The following NRXN3 variants were observed in gnomAD, a reference collection of about 807,000 sequenced individuals.
NRXN3 encodes the protein neurexin 3, also known as neurexin III.
A neutral mutation model predicts 137.6 loss-of-function variants in NRXN3; 32 were observed. The ratio of observed to expected loss-of-function variants is 0.23; its 90% CI spans 0.18 to 0.31. The LOEUF (loss-of-function observed/expected upper bound fraction) is 0.31, where lower values mean the gene tolerates loss of function less well. Among genes scored for constraint, NRXN3 ranks in the 10% least tolerant of loss-of-function variants. The probability of loss-of-function intolerance (pLI) is 1.00; values close to 1 mark genes in which losing one functional copy is unlikely to be tolerated. For missense variants in NRXN3, 1,574 were observed against 2,062.5 expected (o/e 0.76, Z 4.59); for synonymous variants, 798 against 784.5 (o/e 1.02, Z -0.29).
At chr14:79,157,623 C>A in intron 15 of NRXN3, among the ~76,000 whole-genome samples, 1 of 151,804 alleles carries the variant, frequency 6.6e-6, no homozygotes, top group Admixed American at 6.6e-5. Flanking sequence ...GCCCTATCAG[C>A]ATTTGAAAGA....
At chr14:79,768,101 T>C (rs2371103) in intron 19 of NRXN3, among the ~76,000 whole-genome samples, 2 of 151,980 alleles carry the variant, frequency 1.3e-5, no homozygotes, top group African/African-American at 4.8e-5. Context: ...ATTATATCCC[T>C]CACCTGGCTC....
intron 15 of NRXN3, among the ~76,000 whole-genome samples, chr14:79,206,573 G>A (rs1026837824): frequency 5.5e-4 from 83 of 152,274 alleles, no homozygotes; most frequent in Middle Eastern, 3.4e-3. Flanking sequence ...CTGAAGAGTA[G>A]GCATGCTCTA....
chr14:79,133,310 C>T (rs1421607068), intron 15 of NRXN3, among the ~76,000 whole-genome samples: 1 of 152,052 alleles, frequency 6.6e-6, no homozygotes, highest in Non-Finnish European at 1.5e-5. Flanking sequence ...GGCTTAGCTC[C>T]TTTCATTACC....
chr14:79,541,403 CA>C (rs551961430), intron 16 of NRXN3, among the ~76,000 whole-genome samples: 4 of 150,902 alleles, frequency 2.7e-5, no homozygotes, highest in African/African-American at 7.3e-5. Context: ...AAACTCATCT[CA>C]AAAAAAAAGA....
chr14:79,622,218 G>A (rs1004461234), intron 16 of NRXN3, among the ~76,000 whole-genome samples: 2 of 152,178 alleles, frequency 1.3e-5, no homozygotes, highest in Non-Finnish European at 2.9e-5. Context: ...TGAGACATGT[G>A]ACATGGATTT....
chr14:78,234,036 A>G (rs1007336401), intron 1 of NRXN3, among the ~76,000 whole-genome samples: 1 of 152,216 alleles, frequency 6.6e-6, no homozygotes, highest in Non-Finnish European at 1.5e-5. Flanking sequence ...CCTGATAGTG[A>G]GTAGGTCTCA....
intron 10 of NRXN3, among the ~76,000 whole-genome samples, chr14:78,890,159 G>C (rs1482865040): frequency 1.3e-5 from 2 of 151,974 alleles, no homozygotes; most frequent in African/African-American, 4.8e-5. Flanking sequence ...GTTGTTTTAA[G>C]CCAGTGAGTT....
chr14:78,964,683 G>A (rs2099414176), intron 11 of NRXN3, among the ~76,000 whole-genome samples: 1 of 152,028 alleles, frequency 6.6e-6, no homozygotes, highest in Non-Finnish European at 1.5e-5. Flanking sequence ...GGTTTGTTAT[G>A]TTTTAACATG....
chr14:78,413,908 G>A (rs1405680873), intron 4 of NRXN3, among the ~76,000 whole-genome samples: 2 of 152,174 alleles, frequency 1.3e-5, no homozygotes, highest in African/African-American at 4.8e-5. Context: ...CCCTGTGGGA[G>A]GTAACTGAAT....
chr14:78,468,492 T>G (rs1243859313), intron 4 of NRXN3, among the ~76,000 whole-genome samples: 3 of 152,206 alleles, frequency 2.0e-5, no homozygotes, highest in Non-Finnish European at 4.4e-5. Context: ...TCTGGACACA[T>G]TCTTATGCTG....
In NRXN3 at chr14:79,214,554, T is replaced by C. The variant is rs79203020; in HGVS notation, c.3262+226413T>C. 1.4e-3 allele frequency among the ~76,000 whole-genome samples: 211 copies of C among 152,364 alleles called. 4 individuals are homozygous for C. The East Asian group carries it at 0.034, about 25-fold the overall frequency. ...TCTGATCTGGTCACTCTATATTATA[T>C]GTATCAGAACATCACTATGTGCCTG... On this transcript the variant is annotated intron_variant, in intron 15 of 20. Coordinates refer to ENST00000335750, the MANE Select transcript of NRXN3 (RefSeq NM_001330195.2).
At chr14:79,735,795 C>A (rs140808984) in intron 19 of NRXN3, among the ~76,000 whole-genome samples, 1 of 152,162 alleles carries the variant, frequency 6.6e-6, no homozygotes, top group Admixed American at 6.5e-5. Flanking sequence ...TTCTACTGCT[C>A]TTGAGTTGTT....
chr14:79,048,954 C>T (rs1163822262), intron 15 of NRXN3, among the ~76,000 whole-genome samples: 1 of 130,574 alleles, frequency 7.7e-6, no homozygotes, highest in Non-Finnish European at 1.6e-5. Flanking sequence ...ACCCGGGAGG[C>T]GGAGCTTGCA....
intron 17 of NRXN3, among the ~76,000 whole-genome samples, chr14:79,672,756 T>C (rs570251307): frequency 8.5e-5 from 13 of 152,056 alleles, no homozygotes; most frequent in Non-Finnish European, 1.9e-4. Flanking sequence ...TGTACCGTTT[T>C]TCCTCTGCCC....
intron 20 of NRXN3, among the ~76,000 whole-genome samples, chr14:79,849,569 A>G (rs1464893860): frequency 3.3e-5 from 5 of 152,176 alleles, no homozygotes; most frequent in African/African-American, 1.2e-4. Context: ...CACCTCATAC[A>G]TGGTAGGGTA....
intron 15 of NRXN3, among the ~76,000 whole-genome samples, chr14:79,054,201 T>G (rs889748612): frequency 6.6e-6 from 1 of 150,776 alleles, no homozygotes; most frequent in African/African-American, 2.4e-5. Context: ...AGGAGATATA[T>G]CTAATGTTAA....
At chr14:79,777,374 C>T (rs532607634) in intron 19 of NRXN3, among the ~76,000 whole-genome samples, 4 of 151,534 alleles carry the variant, frequency 2.6e-5, no homozygotes, top group African/African-American at 9.7e-5. Context: ...GAGATTTAGG[C>T]AAAGCTAAAA....
At chr14:79,631,166 C>A (rs1409060589) in intron 16 of NRXN3, among the ~76,000 whole-genome samples, 1 of 152,244 alleles carries the variant, frequency 6.6e-6, no homozygotes, top group African/African-American at 2.4e-5. Flanking sequence ...TCCTTGTCCT[C>A]ATGCATGTCA....
At chr14:78,212,910 G>T (rs78289690) in intron 1 of NRXN3, among the ~76,000 whole-genome samples, 1 of 152,146 alleles carries the variant, frequency 6.6e-6, no homozygotes. Context: ...ATAAAAAAAA[G>T]TGGAGCTTTT....
Sources: allele counts gnomAD v4.1 joint callset (sites outside exome capture counted in the v4.1 genomes callset), GRCh38; gene constraint gnomAD v4.1.1; transcripts MANE v1.5; gene names NCBI Gene and HGNC (gene_info 2026-07-23, HGNC 2026-07-21).